Variants in ARHGAP26 observed in about 807,000 individuals in gnomAD.
ARHGAP26 encodes the protein Rho GTPase activating protein 26, also known as rho GTPase-activating protein 26.
A neutral mutation model predicts 104.8 loss-of-function variants in ARHGAP26; 38 were observed. The ratio of observed to expected loss-of-function variants is 0.36; its 90% confidence interval spans 0.28 to 0.48. The LOEUF (loss-of-function observed/expected upper bound fraction) is 0.48, where lower values mean the gene tolerates loss of function less well. Ranked by LOEUF, ARHGAP26 falls within the 20% of genes least tolerant of loss-of-function variation. ARHGAP26 has a pLI of 0.99. For missense variants in ARHGAP26, 704 were observed against 947.9 expected (o/e 0.74, Z 3.38); for synonymous variants, 341 against 340.0 (o/e 1.00, Z -0.03).
intron 17 of ARHGAP26, among the ~76,000 whole-genome samples, chr5:143,081,958 C>G (rs563634406): frequency 3.5e-5 from 5 of 142,658 alleles, no homozygotes; most frequent in Non-Finnish European, 7.5e-5. Context: ...TGCAGTGAGC[C>G]GAGATCGCGC....
chr5:143,163,314 C>A (rs1801495450), intron 20 of ARHGAP26, among the ~76,000 whole-genome samples: 1 of 152,114 alleles, frequency 6.6e-6, no homozygotes, highest in African/African-American at 2.4e-5. Context: ...AGGATCTTGG[C>A]AATTGTAGGC....
At chr5:143,115,257 C>T (rs1274465474) in intron 17 of ARHGAP26, among the ~76,000 whole-genome samples, 2 of 151,824 alleles carry the variant, frequency 1.3e-5, no homozygotes, top group Admixed American at 1.3e-4. Context: ...TGCTTGAACC[C>T]AGGAGGCGGA....
At chr5:142,879,213 C>T (rs543091467) in intron 3 of ARHGAP26, among the ~76,000 whole-genome samples, 161 bp from the exon 4 acceptor site, 40 of 152,272 alleles carry the variant, frequency 2.6e-4, no homozygotes, top group Admixed American at 2.1e-3. Context: ...TTTGATTTGA[C>T]ATGCTATTAG....
chr5:142,838,870 T>C (rs1387675908), intron 1 of ARHGAP26, among the ~76,000 whole-genome samples: 4 of 152,140 alleles, frequency 2.6e-5, no homozygotes, highest in African/African-American at 9.7e-5. Flanking sequence ...TAGAACTGGA[T>C]AGGGACAAAG....
intron 14 of ARHGAP26, among the ~76,000 whole-genome samples, chr5:143,054,086 G>T (rs867640421): frequency 6.6e-6 from 1 of 152,004 alleles, no homozygotes; most frequent in East Asian, 1.9e-4. Flanking sequence ...AACTTTTCTC[G>T]TGCCTTATCT....
intron 12 of ARHGAP26, among the ~76,000 whole-genome samples, chr5:143,025,924 T>A (rs138793406): frequency 8.7e-4 from 133 of 152,244 alleles, no homozygotes; most frequent in African/African-American, 3.1e-3. Context: ...ACTCTATGTC[T>A]CTTTCAGCTT....
At chr5:143,097,208 G>A (rs1792463036) in intron 17 of ARHGAP26, among the ~76,000 whole-genome samples, 1 of 151,894 alleles carries the variant, frequency 6.6e-6, no homozygotes, top group Admixed American at 6.6e-5. Context: ...GCATGGTGGT[G>A]CGTGCCTGTA....
At chr5:142,771,624 A>G (rs1755227379) in intron 1 of ARHGAP26, among the ~76,000 whole-genome samples, 1 of 152,048 alleles carries the variant, frequency 6.6e-6, no homozygotes, top group South Asian at 2.1e-4. Context: ...TAGAATGTAC[A>G]TATCCCAACT....
chr5:142,893,005 A>T (rs1554141665), intron 5 of ARHGAP26, among the ~76,000 whole-genome samples: 2 of 34,510 alleles, frequency 5.8e-5, no homozygotes, highest in Admixed American at 4.4e-4. Flanking sequence ...TTTTTTTTTG[A>T]GACAGAGTCT....
chr5:142,891,756 T>C (rs2152425364), intron 5 of ARHGAP26, among the ~76,000 whole-genome samples: 1 of 152,120 alleles, frequency 6.6e-6, no homozygotes, highest in South Asian at 2.1e-4. Context: ...GGTTTCTGAC[T>C]GTGTCATTTC....
intron 14 of ARHGAP26, among the ~76,000 whole-genome samples, chr5:143,054,036 T>G (rs1785433279): frequency 6.6e-6 from 1 of 152,240 alleles, no homozygotes; most frequent in African/African-American, 2.4e-5. Context: ...TTTTCTGCTT[T>G]TGCAAAGAAG....
intron 1 of ARHGAP26, among the ~76,000 whole-genome samples, chr5:142,813,835 GC>G (rs145718417): frequency 0.057 from 8,705 of 152,212 alleles, 378 homozygotes; most frequent in East Asian, 0.2. Context: ...AATTTTAGGG[GC>G]CTCAATTCAG....
chr5:142,810,737 A>G (rs1413151705), intron 1 of ARHGAP26, among the ~76,000 whole-genome samples: 1 of 152,168 alleles, frequency 6.6e-6, no homozygotes, highest in Non-Finnish European at 1.5e-5. Context: ...TTGACCTAAT[A>G]TTGTTCTTTA....
chr5:143,204,597 C>T (rs552046094), intron 20 of ARHGAP26, among the ~76,000 whole-genome samples: 5 of 152,266 alleles, frequency 3.3e-5, no homozygotes, highest in South Asian at 4.1e-4. Flanking sequence ...ATAATAGTTA[C>T]GAATATCCTG....
intron 1 of ARHGAP26, among the ~76,000 whole-genome samples, chr5:142,794,228 G>T (rs902774920): frequency 4.6e-5 from 7 of 152,204 alleles, no homozygotes; most frequent in African/African-American, 1.4e-4. Context: ...TTGGCTCTTT[G>T]TTGAAGCCTG....
intron 17 of ARHGAP26, among the ~76,000 whole-genome samples, chr5:143,071,217 C>G (rs1045842986): frequency 5.9e-5 from 9 of 151,730 alleles, no homozygotes; most frequent in Non-Finnish European, 1.3e-4. Context: ...ACTACCTGAC[C>G]TCAAAATATA....
At chr5:143,088,755 C>T (rs761016913) in intron 17 of ARHGAP26, among the ~76,000 whole-genome samples, 60 of 152,282 alleles carry the variant, frequency 3.9e-4, no homozygotes, top group Non-Finnish European at 4.4e-4. Flanking sequence ...GTTTTTATCC[C>T]TGACATATGT....
intron 11 of ARHGAP26, among the ~76,000 whole-genome samples, chr5:143,007,147 A>G (rs1371674510): frequency 6.7e-6 from 1 of 149,056 alleles, no homozygotes; most frequent in Non-Finnish European, 1.5e-5. Flanking sequence ...GTGAGCCGAG[A>G]TCGCACCACT....
At chr5:143,017,132 C>T (rs200933733) in intron 12 of ARHGAP26, among the ~76,000 whole-genome samples, 26 of 152,134 alleles carry the variant, frequency 1.7e-4, no homozygotes, top group African/African-American at 6.0e-4. Context: ...TCCAAATGTC[C>T]GGCATTTTCT....
Sources: gnomAD v4.1 joint callset for allele counts (sites outside exome capture counted in the v4.1 genomes callset) on GRCh38, gnomAD v4.1.1 for gene constraint, MANE v1.5 for transcripts, NCBI Gene and HGNC (gene_info 2026-07-23, HGNC 2026-07-21) for gene names.